The following RTN4IP1 variants were observed in gnomAD, a reference collection of about 807,000 sequenced individuals.
RTN4IP1 encodes NAD(P)H oxidoreductase RTN4IP1, mitochondrial.
A neutral mutation model predicts 46.6 loss-of-function variants in RTN4IP1; 32 were observed. The ratio of observed to expected loss-of-function variants is 0.69; its 90% CI spans 0.52 to 0.92. The LOEUF is 0.92. Among genes scored for constraint, RTN4IP1 ranks in the 40% least tolerant of loss-of-function variants. RTN4IP1 has a pLI of 0.00. For synonymous variants in RTN4IP1, 167 were observed against 161.8 expected (o/e 1.03, Z -0.24); for missense variants, 424 against 485.8 (o/e 0.87, Z 1.20).
At chr6:106,606,038 T>C (rs1393394735) in intron 4 of RTN4IP1, among the ~76,000 whole-genome samples, 1 of 152,118 alleles carries the variant, frequency 6.6e-6, no homozygotes, top group African/African-American at 2.4e-5. Flanking sequence ...GCAGATGACA[T>C]GATCTTACAT....
At chr6:106,587,130 T>C (rs866565181) in intron 7 of RTN4IP1, among the ~76,000 whole-genome samples, 14 of 152,366 alleles carry the variant, frequency 9.2e-5, no homozygotes, top group Middle Eastern at 3.4e-3. Context: ...GTTTTACTCA[T>C]AGACCTCTAA....
Position 106,619,342 on chromosome 6 carries a change from AC to A in RTN4IP1, c.496-17del, listed in dbSNP as rs1776426598. Reference sequence around the variant, plus strand: ...TGTGAGAGACCTACATTTGAAGACAACAGTCAAAAATAAGCAATGACTTGCA... The same window carrying A: ...TGTGAGAGACCTACATTTGAAGACAAAGTCAAAAATAAGCAATGACTTGCA... On this transcript the variant is annotated splice_polypyrimidine_tract_variant and intron_variant, in intron 3 of 8. Coordinates refer to ENST00000369063, the MANE Select transcript of RTN4IP1 (RefSeq NM_032730.5). The A allele has an allele frequency of 6.2e-7, 1 of 1,613,664 alleles. No homozygotes were observed. The highest frequency in any genetic ancestry group is 1.7e-5 in the Admixed American group (1 of 59,922).
rs12211267 is a variant in RTN4IP1 at position 106,579,126 on chromosome 6, C to A, written c.1083+4202G>T. 9.2e-3 allele frequency among the ~76,000 whole-genome samples: 1,391 copies of A among 151,884 alleles called. 14 individuals are homozygous for A. Among genetic ancestry groups the A allele is most frequent in the Non-Finnish European group, 0.015 (1,016 of 67,962 alleles). On this transcript the variant is annotated intron_variant, in intron 8 of 8. Transcript: ENST00000369063. Reference sequence around the variant, plus strand: ...TGGCAGGCGCCTGTAGTCCCAGCTACTCAGGAGGCTGAGGCAGAAGAATCG... The same window carrying A: ...TGGCAGGCGCCTGTAGTCCCAGCTAATCAGGAGGCTGAGGCAGAAGAATCG...
upstream of RTN4IP1, among the ~76,000 whole-genome samples, chr6:106,630,373 A>G (rs926652264): frequency 2.0e-5 from 3 of 151,184 alleles, no homozygotes; most frequent in South Asian, 2.1e-4. Flanking sequence ...TGAATTCTTA[A>G]TAGACTCTTT....
At chr6:106,624,935 CAAAAAAAAAA>C (rs1329840633) in intron 1 of RTN4IP1, among the ~76,000 whole-genome samples, 1 of 47,992 alleles carries the variant, frequency 2.1e-5, no homozygotes, top group African/African-American at 6.1e-5. Context: ...AGCTCTGTCT[CAAAAAAAAAA>C]AAAAAAGAAA....
chr6:106,579,912 C>G (rs1333973245), intron 8 of RTN4IP1, among the ~76,000 whole-genome samples: 1 of 151,820 alleles, frequency 6.6e-6, no homozygotes, highest in Admixed American at 6.6e-5. Flanking sequence ...CCACGCCCAG[C>G]TCAGATATTA....
At chr6:106,626,770 C>T (rs1776658374) in intron 1 of RTN4IP1, among the ~76,000 whole-genome samples, 1 of 152,160 alleles carries the variant, frequency 6.6e-6, no homozygotes, top group Non-Finnish European at 1.5e-5. Flanking sequence ...GGGTTGACAC[C>T]TTGACTTGTT....
intron 4 of RTN4IP1, among the ~76,000 whole-genome samples, chr6:106,613,759 T>C (rs1024418649): frequency 6.6e-6 from 1 of 152,154 alleles, no homozygotes; most frequent in African/African-American, 2.4e-5. Flanking sequence ...ACACAGAACT[T>C]GAATCTGATA....
intron 1 of RTN4IP1, among the ~76,000 whole-genome samples, chr6:106,628,451 G>A (rs1582398577): frequency 6.6e-6 from 1 of 151,758 alleles, no homozygotes; most frequent in South Asian, 2.1e-4. Flanking sequence ...CTGGGTGACA[G>A]AGTGAGACTC....
intron 6 of RTN4IP1, among the ~76,000 whole-genome samples, chr6:106,588,230 T>C (rs1775533381): frequency 6.6e-6 from 1 of 152,208 alleles, no homozygotes; most frequent in African/African-American, 2.4e-5. Flanking sequence ...AAAATGTCGA[T>C]AGTTGAGAAA....
intron 8 of RTN4IP1, among the ~76,000 whole-genome samples, chr6:106,575,876 A>T (rs1417199194): frequency 6.6e-6 from 1 of 152,024 alleles, no homozygotes; most frequent in African/African-American, 2.4e-5. Flanking sequence ...CTTTTCCTAG[A>T]CCCTTGGCCT....
At chr6:106,624,946 A>AAAAAAG (rs200539847) in intron 1 of RTN4IP1, among the ~76,000 whole-genome samples, 4,058 of 133,060 alleles carry the variant, frequency 0.03, 167 homozygotes, top group East Asian at 0.16. Context: ...AAAAAAAAAA[A>AAAAAAG]AAAAAGAAAA....
intron 4 of RTN4IP1, among the ~76,000 whole-genome samples, chr6:106,612,738 T>C (rs1198142448): frequency 7.6e-6 from 1 of 130,748 alleles, no homozygotes; most frequent in Non-Finnish European, 1.7e-5. Flanking sequence ...TCATTCCGAT[T>C]ACCTGCTACC....
chr6:106,591,345 G>T (rs540557628), intron 6 of RTN4IP1, among the ~76,000 whole-genome samples: 39 of 152,230 alleles, frequency 2.6e-4, no homozygotes, highest in African/African-American at 9.4e-4. Context: ...GCTGCTGCTG[G>T]GTGCACCACC....
At chr6:106,606,893 T>G (rs1776089991) in intron 4 of RTN4IP1, among the ~76,000 whole-genome samples, 2 of 152,144 alleles carry the variant, frequency 1.3e-5, no homozygotes, top group African/African-American at 2.4e-5. Context: ...TCACAGAAAT[T>G]TTTTAAATCC....
chr6:106,601,398 T>C (rs1562143777), intron 5 of RTN4IP1, among the ~76,000 whole-genome samples: 1 of 152,186 alleles, frequency 6.6e-6, no homozygotes, highest in East Asian at 1.9e-4. Context: ...CCCTTTGACA[T>C]ACAAAAGTTT....
intron 3 of RTN4IP1, 103 bp downstream of exon 3, chr6:106,621,322 C>A: frequency 1.2e-6 from 1 of 830,724 alleles, no homozygotes; most frequent in Non-Finnish European, 2.0e-6. Flanking sequence ...TTATAAACTG[C>A]CCCATCAAAC....
intron 4 of RTN4IP1, among the ~76,000 whole-genome samples, chr6:106,613,915 A>C (rs932860759): frequency 6.6e-6 from 1 of 152,222 alleles, no homozygotes; most frequent in Non-Finnish European, 1.5e-5. Flanking sequence ...GCCAATCGGA[A>C]AATTTTTAAA....
chr6:106,608,035 T>C (rs1398600321), intron 4 of RTN4IP1, among the ~76,000 whole-genome samples: 1 of 152,194 alleles, frequency 6.6e-6, no homozygotes, highest in African/African-American at 2.4e-5. Context: ...CACTCCCATG[T>C]TTAATACAAC....
Sources: allele counts gnomAD v4.1 joint callset (sites outside exome capture counted in the v4.1 genomes callset), GRCh38; gene constraint gnomAD v4.1.1; transcripts MANE v1.5; gene names NCBI Gene and HGNC (gene_info 2026-07-23, HGNC 2026-07-21).